The following MYCBP2 variants were observed in gnomAD, a reference collection of about 807,000 sequenced individuals.
MYCBP2 encodes the protein E3 ubiquitin-protein ligase MYCBP2.
In MYCBP2, 120 loss-of-function variants were observed where a neutral mutation model predicts 525.3. That is an observed-to-expected ratio of 0.23 (90% CI 0.20 to 0.27). MYCBP2 has a LOEUF of 0.27. Ranked by LOEUF, MYCBP2 falls within the 10% of genes least tolerant of loss-of-function variation. The probability of loss-of-function intolerance (pLI) is 1.00; values close to 1 mark genes in which losing one functional copy is unlikely to be tolerated. For missense variants in MYCBP2, 4,149 were observed against 5,657.1 expected, an observed-to-expected ratio of 0.73 and a Z score of 8.55; for synonymous variants, 1,894 against 1,955.8, an observed-to-expected ratio of 0.97 and a Z score of 0.83.
rs56131306 is a variant in MYCBP2, at chr13:77,044,901, GT to G, written c.*476del. On this transcript the variant is annotated 3_prime_UTR_variant, in exon 83 of 83. Coordinates refer to ENST00000544440, the MANE Select transcript of MYCBP2 (RefSeq NM_015057.5). ...CATTTATATGCTGTCCTAACACAAT[GT>G]TTTTTTTTTTTTTAAATAACAGTCT... 19,905 of 303,476 alleles carry G rather than the reference GT, an allele frequency of 0.066. 114 individuals are homozygous for G. Among genetic ancestry groups the G allele is most frequent in the East Asian group, 0.12 (2,355 of 20,420 alleles). The allele number at this position is 303,476 out of a possible 1,614,324, so 18.8% of individuals were successfully genotyped here. A position where few individuals can be genotyped will look rare whatever the true frequency, so the allele number is the denominator to read the frequency against.
At chr13:77,075,704 AT>A (rs1284986638) in intron 68 of MYCBP2, 1 of 152,234 alleles carries the variant, frequency 6.6e-6, no homozygotes, top group Non-Finnish European at 1.5e-5. Context: ...CAGAGGGTTC[AT>A]AACCAAGAAC....
chr13:77,097,323 C>A, intron 56 of MYCBP2, 47 bp downstream of exon 56: 1 of 1,535,680 alleles, frequency 6.5e-7, no homozygotes, highest in South Asian at 1.3e-5. Context: ...TGATCTGGTT[C>A]ATTAAAGAAA....
intron 69 of MYCBP2, among the ~76,000 whole-genome samples, chr13:77,069,758 C>T (rs1594208717): frequency 6.7e-6 from 1 of 148,646 alleles, no homozygotes; most frequent in Non-Finnish European, 1.5e-5. Flanking sequence ...GTCCCAGCTA[C>T]TCAGGAGGCT....
intron 37 of MYCBP2, among the ~76,000 whole-genome samples, chr13:77,173,955 G>A (rs1056714840): frequency 6.6e-6 from 1 of 152,186 alleles, no homozygotes; most frequent in Non-Finnish European, 1.5e-5. Context: ...TCTGAGTACA[G>A]TCTATCTGAT....
chr13:77,307,088 A>C (rs1438294220), intron 1 of MYCBP2, among the ~76,000 whole-genome samples: 2 of 152,216 alleles, frequency 1.3e-5, no homozygotes, highest in Non-Finnish European at 2.9e-5. Flanking sequence ...AAAACAGATC[A>C]GAAAAAGAAT....
At chr13:77,261,707 GA>G (rs2073313720) in intron 11 of MYCBP2, among the ~76,000 whole-genome samples, 1 of 151,926 alleles carries the variant, frequency 6.6e-6, no homozygotes, top group African/African-American at 2.4e-5. Context: ...AAAGAAGTCT[GA>G]AATATTTCGA....
At chr13:77,278,574 T>C (rs1594595307) in intron 4 of MYCBP2, among the ~76,000 whole-genome samples, 184 bp downstream of exon 4, 1 of 152,228 alleles carries the variant, frequency 6.6e-6, no homozygotes, top group Non-Finnish European at 1.5e-5. Flanking sequence ...ATTTATGGGG[T>C]ATAAAGTGAT....
At chr13:77,128,321 G>C (rs1594770953) in intron 52 of MYCBP2, among the ~76,000 whole-genome samples, 1 of 151,898 alleles carries the variant, frequency 6.6e-6, no homozygotes, top group East Asian at 1.9e-4. Context: ...ACTCACAACT[G>C]ATTCTTAAAA....
chr13:77,118,678 C>T (rs1440052275), intron 55 of MYCBP2, among the ~76,000 whole-genome samples: 3 of 147,360 alleles, frequency 2.0e-5, no homozygotes, highest in South Asian at 2.2e-4. Context: ...ATTTTGCAAG[C>T]TTTTTTTTTT....
intron 40 of MYCBP2, among the ~76,000 whole-genome samples, chr13:77,167,018 CA>C (rs1413695511): frequency 0.018 from 2,388 of 135,760 alleles, 27 homozygotes; most frequent in East Asian, 0.047. Flanking sequence ...CACACACACA[CA>C]CACACACCAA....
chr13:77,168,582 T>C lies in MYCBP2; in HGVS notation c.5960A>G (p.Lys1987Arg), dbSNP rs1192256275. ...AGGGTTGAAGGCAGGCGGTGCATAC[T>C]TCTGATTCAAAATGGCAACTGACGG... Reference protein sequence around the residue: ...LLPSVAILNQKYAPPAFNPNQ... With the variant: ...LLPSVAILNQRYAPPAFNPNQ... The change falls in exon 40 of 83, where the codon AAG (lysine) becomes AGG (arginine). Residue 1987 changes from lysine (K) to arginine (R), a missense_variant. Lys to Arg is a conservative substitution (Grantham distance 26). Transcript: ENST00000544440. The C allele has an allele frequency of 1.2e-6, 2 of 1,614,166 alleles. No individual in the cohort carries two copies.
intron 3 of MYCBP2, among the ~76,000 whole-genome samples, chr13:77,284,205 A>C (rs1195903819): frequency 6.6e-6 from 1 of 152,062 alleles, no homozygotes; most frequent in Non-Finnish European, 1.5e-5. Context: ...ACACTTCAAC[A>C]ACAGATTAAA....
chr13:77,057,669 A>G (rs2038395187), intron 78 of MYCBP2, among the ~76,000 whole-genome samples: 1 of 152,168 alleles, frequency 6.6e-6, no homozygotes, highest in Non-Finnish European at 1.5e-5. Context: ...TATTTTATAC[A>G]TTCTGTTGAT....
At chr13:77,199,751 C>A (rs190618997) in intron 26 of MYCBP2, among the ~76,000 whole-genome samples, 1,587 of 152,298 alleles carry the variant, frequency 0.01, 12 homozygotes, top group Middle Eastern at 0.02. Flanking sequence ...CTCCAGCAGC[C>A]TAACTGGGAG....
intron 15 of MYCBP2, among the ~76,000 whole-genome samples, chr13:77,246,998 A>C (rs936763315): frequency 6.6e-6 from 1 of 152,180 alleles, no homozygotes; most frequent in African/African-American, 2.4e-5. Flanking sequence ...TGAAAAACAC[A>C]CAGTGAACAT....
chr13:77,286,370 A>G (rs1349584821), intron 3 of MYCBP2, among the ~76,000 whole-genome samples: 1 of 152,234 alleles, frequency 6.6e-6, no homozygotes, highest in East Asian at 1.9e-4. Context: ...AGCAATATGC[A>G]TAAGTCATAT....
At chr13:77,131,998 A>G (rs1464676556) in intron 52 of MYCBP2, among the ~76,000 whole-genome samples, 3 of 152,198 alleles carry the variant, frequency 2.0e-5, no homozygotes, top group African/African-American at 7.2e-5. Context: ...AAGAATTGCC[A>G]TTGTTAAAGC....
At chr13:77,064,465 G>T in intron 73 of MYCBP2, 150 bp downstream of exon 73, 1 of 849,498 alleles carries the variant, frequency 1.2e-6, no homozygotes, top group Non-Finnish European at 1.7e-6. Flanking sequence ...TAATATAAAA[G>T]CCCTTTATAC....
At chr13:77,062,482 G>T in intron 74 of MYCBP2, 114 bp downstream of exon 74, 1 of 834,770 alleles carries the variant, frequency 1.2e-6, no homozygotes, top group South Asian at 1.7e-5. Context: ...TCTTTCAAGA[G>T]ATCCACTAAC....
Sources: allele counts gnomAD v4.1 joint callset (sites outside exome capture counted in the v4.1 genomes callset), GRCh38; gene constraint gnomAD v4.1.1; transcripts MANE v1.5; gene names NCBI Gene and HGNC (gene_info 2026-07-23, HGNC 2026-07-21).